The following NISCH variants were observed in gnomAD, a reference collection of about 807,000 sequenced individuals.
The protein encoded by NISCH is nischarin, also known as I-1 receptor candidate protein.
NISCH carries 55 observed loss-of-function variants against 138.4 expected under a neutral mutation model. The ratio of observed to expected loss-of-function variants is 0.40; its 90% CI spans 0.32 to 0.50. The LOEUF is 0.50. Among genes scored for constraint, NISCH ranks in the 20% least tolerant of loss-of-function variants. NISCH has a pLI of 0.71. For synonymous variants in NISCH, 860 were observed against 861.5 expected (o/e 1.00, Z 0.03); for missense variants, 1,643 against 2,005.5 (o/e 0.82, Z 3.45).
intron 3 of NISCH, among the ~76,000 whole-genome samples, chr3:52,465,729 C>A (rs1037358064): frequency 6.6e-6 from 1 of 152,184 alleles, no homozygotes; most frequent in African/African-American, 2.4e-5. Flanking sequence ...CAGGCAGAGG[C>A]GAGTTTATCT....
intron 2 of NISCH, among the ~76,000 whole-genome samples, chr3:52,458,248 G>A (rs1021508884): frequency 6.6e-6 from 1 of 152,180 alleles, no homozygotes; most frequent in Non-Finnish European, 1.5e-5. Context: ...CTATTCCAAA[G>A]CCTTACTTTA....
chr3:52,490,800 G>A lies in NISCH; in HGVS notation c.3709G>A (p.Val1237Met). 6.2e-7 allele frequency: 1 copy of A among 1,614,198 alleles called. No homozygotes were observed. The highest frequency in any genetic ancestry group is 8.5e-7 in the Non-Finnish European group (1 of 1,180,022). Residue 1237 changes from valine (V) to methionine (M), a missense_variant, in exon 19 of 21, where the codon GTG becomes ATG. Coordinates refer to ENST00000345716, the MANE Select transcript of NISCH (RefSeq NM_007184.4). ...LKLSDLQSVN[V>M]GLFDQHFRLT... ...GCTTAGTGACCTGCAGTCAGTCAAT[G>A]TGGGGCTTTTCGACCAGCATTTCCG... is the stretch of plus-strand genomic sequence containing the variant.
At chr3:52,490,654 C>G in intron 18 of NISCH, 51 bp from the exon 19 acceptor site, 1 of 1,612,668 alleles carries the variant, frequency 6.2e-7, no homozygotes, top group Non-Finnish European at 8.5e-7. Context: ...CACCTAGGAA[C>G]CTTGTGCTTG....
intron 13 of NISCH, among the ~76,000 whole-genome samples, chr3:52,483,986 C>CT (rs1279978590): frequency 6.6e-6 from 1 of 152,228 alleles, no homozygotes; most frequent in Non-Finnish European, 1.5e-5. Flanking sequence ...TTCAGCTTGC[C>CT]TTTCTTTGTG....
At chr3:52,477,438 C>A in intron 8 of NISCH, 136 bp from the exon 9 acceptor site, 1 of 679,826 alleles carries the variant, frequency 1.5e-6, no homozygotes, top group Non-Finnish European at 2.6e-6. Flanking sequence ...GATGTCCCAC[C>A]AGTGGTCCTG....
Position 52,457,891 on chromosome 3 carries a change from C to T in NISCH, c.142C>T (p.His48Tyr). 6.2e-7 allele frequency: 1 copy of T among 1,612,120 alleles called. No homozygotes were observed. Among genetic ancestry groups the T allele is most frequent in the Non-Finnish European group, 8.5e-7 (1 of 1,178,290 alleles). ...TGGCAGCCATGAGTGGACAGTAAAG[C>T]ACCGCTACAGCGACTTCCATGACCT... ...TDGSHEWTVK[H>Y]RYSDFHDLHE... The change falls in exon 2 of 21, where the codon CAC (histidine) becomes TAC (tyrosine). Residue 48 changes from histidine to tyrosine, a missense_variant. Coordinates refer to ENST00000345716, the MANE Select transcript of NISCH (RefSeq NM_007184.4).
At chr3:52,475,922 A>C (rs1707086448) in intron 7 of NISCH, 1 of 155,376 alleles carries the variant, frequency 6.4e-6, no homozygotes, top group South Asian at 2.0e-4. Context: ...GGATCACCTG[A>C]AGTCAGGAGT....
In NISCH at chr3:52,485,824, CAAGGT is replaced by C; in HGVS notation, c.1703+2_1703+6del. The stretch of plus-strand genomic sequence containing the variant: ...GACGTGCCAGGAGCTGTTGGTGGTG[CAAGGT>C]AAGGAAGAGGTTGGAAAGGGACCTG... On this transcript the variant is annotated splice_donor_variant and coding_sequence_variant, in exon 15 of 21. Coordinates refer to ENST00000345716, the MANE Select transcript of NISCH (RefSeq NM_007184.4). LOFTEE classifies it high-confidence loss of function. 1.9e-6 allele frequency: 3 copies of C among 1,577,740 alleles called. No homozygotes were observed. The highest frequency in any genetic ancestry group is 2.6e-6 in the Non-Finnish European group (3 of 1,160,298).
chr3:52,472,955 C>G (rs1215547276), intron 6 of NISCH, among the ~76,000 whole-genome samples: 1 of 152,216 alleles, frequency 6.6e-6, no homozygotes, highest in African/African-American at 2.4e-5. Flanking sequence ...GTGTTCTGCC[C>G]TGTGGCCCCA....
rs1707432406 is a variant in NISCH at position 52,487,467 on chromosome 3, C to T, written c.1975C>T (p.Pro659Ser). Reference sequence around the variant, plus strand: ...TGAGAACCGCTACTTTGAAATGGGGCCCCCAGACGTGGAGGAGGAGGAGGG... The same window carrying T: ...TGAGAACCGCTACTTTGAAATGGGGTCCCCAGACGTGGAGGAGGAGGAGGG... ...VAENRYFEMG[P>S]PDVEEEEGGG... is the part of the protein sequence containing the mutation. Residue 659 changes from proline (P) to serine (S), a missense_variant, in exon 16 of 21, where the codon CCC (proline) becomes TCC (serine). Pro to Ser is a moderately conservative substitution (Grantham distance 74). Coordinates refer to ENST00000345716, the MANE Select transcript of NISCH (RefSeq NM_007184.4). The surrounding 1 kb of genome is among the most constrained non-coding windows in gnomAD (Gnocchi z 9.1). The T allele has an allele frequency of 1.9e-6, 3 of 1,599,474 alleles. No individual in the cohort carries two copies. The Admixed American group carries it at 5.1e-5, about 27-fold the overall frequency.
rs1707498927 is a variant in NISCH, at chr3:52,489,373, CTGGCCCCGG to C, written c.3152_3160del (p.Leu1051_Ala1054delinsPro). The C allele has an allele frequency of 4.3e-6, 7 of 1,611,820 alleles. No homozygotes were observed. The highest frequency in any genetic ancestry group is 5.9e-6 in the Non-Finnish European group (7 of 1,179,004). On this transcript the variant is annotated inframe_deletion, in exon 17 of 21. Transcript: ENST00000345716. Reference sequence around the variant, plus strand: ...TCCCCAGGAGGTCCCAGCAGAGGCTCTGGCCCCGGCCCCAGCGGAAGTCCCAGCTCCAGC... The same window carrying C: ...TCCCCAGGAGGTCCCAGCAGAGGCTCCCCCAGCGGAAGTCCCAGCTCCAGC...
intron 4 of NISCH, chr3:52,471,580 C>T (rs559947636): frequency 7.8e-5 from 45 of 576,946 alleles, no homozygotes; most frequent in African/African-American, 7.8e-4. Context: ...CTCAGTGGCT[C>T]CCCAGCCTCA....
chr3:52,460,066 A>G (rs1438205075), intron 3 of NISCH, among the ~76,000 whole-genome samples: 1 of 151,272 alleles, frequency 6.6e-6, no homozygotes, highest in African/African-American at 2.4e-5. Context: ...CTGTAATCCC[A>G]GCTATTTGGG....
intron 13 of NISCH, chr3:52,480,943 G>C: frequency 6.5e-7 from 1 of 1,527,528 alleles, no homozygotes. Flanking sequence ...GGCCCCCACG[G>C]AAGAGGGGAG....
chr3:52,480,800 T>C (rs1707249460), intron 13 of NISCH: 1 of 1,497,544 alleles, frequency 6.7e-7, no homozygotes, highest in East Asian at 2.5e-5. Flanking sequence ...TCTCTGTCCC[T>C]GTGGACCCAT....
chr3:52,478,180 C>A lies in NISCH; in HGVS notation c.1071C>A (p.Ile357=). The part of the protein sequence containing the change: ...LEGLHTKLGN[I]KTLNLAGNLL... ...GGCTTCACACCAAGCTGGGGAACAT[C>A]AAGACCTTAAACCTGGCAGGCAACC... The change falls in exon 10 of 21, where the codon ATC becomes ATA. Residue 357 remains isoleucine (I), a synonymous_variant. Coordinates refer to ENST00000345716, the MANE Select transcript of NISCH (RefSeq NM_007184.4). 6.2e-7 allele frequency: 1 copy of A among 1,614,126 alleles called. No homozygotes were observed. The highest frequency in any genetic ancestry group is 8.5e-7 in the Non-Finnish European group (1 of 1,180,010).
In NISCH at chr3:52,478,595, C is replaced by A. The variant is rs936812073; in HGVS notation, c.1302+18C>A. The A allele has an allele frequency of 1.9e-6, 3 of 1,612,604 alleles. No individual in the cohort carries two copies. The highest frequency in any genetic ancestry group is 2.7e-5 in the African/African-American group (2 of 74,882). The stretch of plus-strand genomic sequence containing the variant: ...CCTCAGAGGTGAGCCCCAGCACAGT[C>A]AGAAGAGCCCAGGGAGACCTTCGGG... On this transcript the variant is annotated intron_variant, in intron 11 of 20. Transcript: ENST00000345716.
chr3:52,476,312 G>T (rs1396071084), intron 7 of NISCH, 135 bp from the exon 8 acceptor site: 1 of 906,168 alleles, frequency 1.1e-6, no homozygotes, highest in African/African-American at 1.7e-5. Context: ...GGAACCAAAG[G>T]CATGCTTTAA....
intron 2 of NISCH, among the ~76,000 whole-genome samples, chr3:52,458,183 C>T (rs1033751583): frequency 1.3e-5 from 2 of 152,218 alleles, no homozygotes; most frequent in Non-Finnish European, 2.9e-5. Flanking sequence ...GTATGAGATG[C>T]TCAGACAGTT....
Sources: allele counts gnomAD v4.1 joint callset (sites outside exome capture counted in the v4.1 genomes callset), GRCh38; gene constraint gnomAD v4.1.1; non-coding constraint Gnocchi (gnomAD v3.1); transcripts MANE v1.5; gene names NCBI Gene and HGNC (gene_info 2026-07-23, HGNC 2026-07-21).